The following PCDH9 variants were observed in gnomAD, a reference collection of about 807,000 sequenced individuals.
PCDH9 encodes the protein protocadherin-9.
In PCDH9, 24 loss-of-function variants were observed where a neutral mutation model predicts 70.6. The observed-to-expected ratio is 0.34, with a 90% CI of 0.25 to 0.48. The LOEUF (loss-of-function observed/expected upper bound fraction) is 0.48, where lower values mean the gene tolerates loss of function less well. Ranked by LOEUF, PCDH9 falls within the 20% of genes least tolerant of loss-of-function variation. The probability of loss-of-function intolerance (pLI) is 0.99; values close to 1 mark genes in which losing one functional copy is unlikely to be tolerated. For synonymous variants in PCDH9, 562 were observed against 558.5 expected (o/e 1.01, Z -0.09); for missense variants, 1,281 against 1,503.6 (o/e 0.85, Z 2.45).
Position 67,227,663 on chromosome 13 carries a change from G to C in PCDH9, c.778C>G (p.His260Asp). Residue 260 changes from histidine (H) to aspartate (D), a missense_variant, in exon 2 of 5, where the codon CAT (histidine) becomes GAT (aspartate). His to Asp is a moderately conservative substitution (Grantham distance 81). Coordinates refer to ENST00000377865, the MANE Select transcript of PCDH9 (RefSeq NM_203487.3). This position sits in a 1 kb window ranked among gnomAD's most constrained non-coding sequence, Gnocchi z 4.6. The part of the protein sequence containing the change: ...PVFKEGQVEV[H>D]IPENAPVGTS... Reference sequence around the variant, plus strand: ...CCTACGGGAGCATTCTCTGGAATATGCACCTCCACTTGACCCTCTTTAAAC... The same window carrying C: ...CCTACGGGAGCATTCTCTGGAATATCCACCTCCACTTGACCCTCTTTAAAC... 6.2e-7 allele frequency: 1 copy of C among 1,613,062 alleles called. No homozygotes were observed. The highest frequency in any genetic ancestry group is 2.2e-5 in the East Asian group (1 of 44,878).
chr13:67,184,045 A>T (rs147250775), intron 2 of PCDH9, among the ~76,000 whole-genome samples: 3 of 152,264 alleles, frequency 2.0e-5, no homozygotes, highest in African/African-American at 7.2e-5. Context: ...TGAATGTTGC[A>T]TTTGCGTCTT....
At chr13:67,050,015 C>G (rs937909944) in intron 2 of PCDH9, among the ~76,000 whole-genome samples, 1 of 152,038 alleles carries the variant, frequency 6.6e-6, no homozygotes, top group South Asian at 2.1e-4. Context: ...TCTAGTTGAC[C>G]TTAAATGTTT....
At chr13:66,637,580 T>C (rs1173423594) in intron 3 of PCDH9, among the ~76,000 whole-genome samples, 2 of 152,206 alleles carry the variant, frequency 1.3e-5, no homozygotes, top group Non-Finnish European at 2.9e-5. Flanking sequence ...TCCACTAATG[T>C]AGAAATCACA....
At chr13:66,667,555 A>T (rs963119724) in intron 3 of PCDH9, among the ~76,000 whole-genome samples, 3 of 152,168 alleles carry the variant, frequency 2.0e-5, no homozygotes, top group Non-Finnish European at 4.4e-5. Flanking sequence ...GATGGATCAT[A>T]GGTTAAGAAC....
chr13:66,656,680 A>G (rs1346210277), intron 3 of PCDH9, among the ~76,000 whole-genome samples: 1 of 152,166 alleles, frequency 6.6e-6, no homozygotes, highest in African/African-American at 2.4e-5. Context: ...AGTTTCTTGA[A>G]AAAGGAGCCG....
intron 3 of PCDH9, among the ~76,000 whole-genome samples, chr13:66,804,136 T>G (rs547266455): frequency 1.5e-4 from 23 of 152,330 alleles, no homozygotes; most frequent in Admixed American, 1.2e-3. Context: ...TCTTACTATT[T>G]AATTTACTCA....
rs1428104793 is a variant in PCDH9, at chr13:66,303,665, A to G, written c.*990T>C. On this transcript the variant is annotated 3_prime_UTR_variant, in exon 5 of 5. Transcript: ENST00000377865. ...ATACATTAGTTTTACATGAGTGACAAGTACAGGATATTATATCACTTTTGA... is the reference window on the plus strand; with the variant it reads ...ATACATTAGTTTTACATGAGTGACAGGTACAGGATATTATATCACTTTTGA... 6.6e-6 allele frequency: 1 copy of G among 152,500 alleles called. No individual in the cohort carries two copies. Among genetic ancestry groups the G allele is most frequent in the Admixed American group, 6.6e-5 (1 of 15,232 alleles). 9.4% of individuals were successfully genotyped at this position (152,500 alleles called of 1,614,324 possible). A position where few individuals can be genotyped will look rare whatever the true frequency, so the allele number is the denominator to read the frequency against.
chr13:67,113,904 T>G (rs2086709610), intron 2 of PCDH9, among the ~76,000 whole-genome samples: 1 of 152,216 alleles, frequency 6.6e-6, no homozygotes, highest in Non-Finnish European at 1.5e-5. Flanking sequence ...AAAATGTACT[T>G]CTTTTACCGG....
intron 2 of PCDH9, among the ~76,000 whole-genome samples, chr13:67,022,106 CTTTTTTTTTTTTTTTTTTTTTTTTT>C (rs71110623): frequency 8.5e-5 from 3 of 35,370 alleles, no homozygotes; most frequent in Admixed American, 4.8e-4. Flanking sequence ...AGGTGATGTT[CTTTTTTTTTTTTTTTTTTTTTTTTT>C]TTTTTTTTTT....
intron 4 of PCDH9, among the ~76,000 whole-genome samples, chr13:66,590,229 A>G (rs560260682): frequency 8.5e-5 from 13 of 152,094 alleles, no homozygotes; most frequent in African/African-American, 2.9e-4. Context: ...TATGATTTAA[A>G]CTAACGAATC....
At chr13:66,330,593 G>T (rs926913154) in intron 4 of PCDH9, among the ~76,000 whole-genome samples, 1 of 151,990 alleles carries the variant, frequency 6.6e-6, no homozygotes, top group African/African-American at 2.4e-5. Flanking sequence ...GTGTGGGGGT[G>T]GGGGAAAGCC....
intron 4 of PCDH9, among the ~76,000 whole-genome samples, chr13:66,625,619 G>A (rs1443511203): frequency 1.3e-5 from 2 of 148,500 alleles, no homozygotes; most frequent in African/African-American, 5.0e-5. Context: ...ATACATATAT[G>A]TATTCCTTTG....
chr13:66,572,549 C>T (rs1372019684), intron 4 of PCDH9, among the ~76,000 whole-genome samples: 1 of 152,026 alleles, frequency 6.6e-6, no homozygotes, highest in Non-Finnish European at 1.5e-5. Context: ...GATTACATTC[C>T]TTTTATGGCT....
intron 3 of PCDH9, among the ~76,000 whole-genome samples, chr13:66,846,917 A>C (rs2081221957): frequency 6.6e-6 from 1 of 151,972 alleles, no homozygotes; most frequent in South Asian, 2.1e-4. Context: ...ACAAACACAC[A>C]CAGAGTATAT....
chr13:66,967,218 G>C (rs1382273351), intron 2 of PCDH9, among the ~76,000 whole-genome samples: 1 of 152,118 alleles, frequency 6.6e-6, no homozygotes, highest in East Asian at 1.9e-4. Context: ...GTGAGGAGAA[G>C]AAATAGTTCA....
At chr13:66,804,812 T>A (rs541247222) in intron 3 of PCDH9, among the ~76,000 whole-genome samples, 7 of 152,296 alleles carry the variant, frequency 4.6e-5, no homozygotes, top group African/African-American at 9.6e-5. Context: ...GGGGTTTTTT[T>A]ATACTTCTTA....
intron 4 of PCDH9, among the ~76,000 whole-genome samples, chr13:66,387,571 C>G (rs1214590726): frequency 6.6e-6 from 1 of 151,040 alleles, no homozygotes; most frequent in Non-Finnish European, 1.5e-5. Context: ...AAGTCCAGCA[C>G]CTTCCTCCTT....
chr13:66,546,931 A>G (rs1047496949), intron 4 of PCDH9, among the ~76,000 whole-genome samples: 3 of 152,200 alleles, frequency 2.0e-5, no homozygotes, highest in Non-Finnish European at 4.4e-5. Context: ...CCTAGGAGCA[A>G]ATTAGGCTAT....
chr13:66,665,880 G>T (rs944978409), intron 3 of PCDH9, among the ~76,000 whole-genome samples: 1 of 151,552 alleles, frequency 6.6e-6, no homozygotes, highest in African/African-American at 2.4e-5. Flanking sequence ...CTCCACTAAG[G>T]GTAAGTAACG....
Sources: allele counts gnomAD v4.1 joint callset (sites outside exome capture counted in the v4.1 genomes callset), GRCh38; gene constraint gnomAD v4.1.1; non-coding constraint Gnocchi (gnomAD v3.1); transcripts MANE v1.5; gene names NCBI Gene and HGNC (gene_info 2026-07-23, HGNC 2026-07-21).